Variants in SNX31 observed in about 807,000 individuals in gnomAD.
The protein encoded by SNX31 is sorting nexin 31.
In SNX31, 58 loss-of-function variants were observed where a neutral mutation model predicts 65.4. The observed-to-expected ratio is 0.89, with a 90% CI of 0.72 to 1.10. SNX31 has a LOEUF of 1.10. Ranked by LOEUF, SNX31 falls within the 50% of genes least tolerant of loss-of-function variation. The pLI, the probability that SNX31 is intolerant of heterozygous loss-of-function variation, is 0.00. For synonymous variants in SNX31, 181 were observed against 190.1 expected, an observed-to-expected ratio of 0.95 and a Z score of 0.39; for missense variants, 523 against 529.7, an observed-to-expected ratio of 0.99 and a Z score of 0.12.
At chr8:100,605,776 AACAGATTTAAAAAGTCACATT>A (rs1217788375) in intron 8 of SNX31, among the ~76,000 whole-genome samples, 1 of 152,128 alleles carries the variant, frequency 6.6e-6, no homozygotes, top group Admixed American at 6.5e-5. Flanking sequence ...CTTTAATGAA[AACAGATTTAAAAAGTCACATT>A]ATGATGCTCG....
chr8:100,580,469 C>T (rs1216794164), intron 12 of SNX31, among the ~76,000 whole-genome samples: 1 of 152,172 alleles, frequency 6.6e-6, no homozygotes, highest in Non-Finnish European at 1.5e-5. Context: ...CCACATTTAC[C>T]AGACTCCCTT....
intron 4 of SNX31, 34 bp from the exon 5 acceptor site, chr8:100,617,764 C>T: frequency 6.6e-7 from 1 of 1,508,942 alleles, no homozygotes; most frequent in Non-Finnish European, 9.0e-7. Flanking sequence ...TAAATTTCCA[C>T]ACCTTTTTTT....
chr8:100,604,223 T>TA lies in SNX31; in HGVS notation c.682-3783dup, dbSNP rs770271207. ...AGAGGGGAGTATGCAGAATTGAACT[T>TA]AAAAAATCAAGCATCCTAAAGGTGC... On this transcript the variant is annotated intron_variant, in intron 8 of 13. Coordinates refer to ENST00000311812, the MANE Select transcript of SNX31 (RefSeq NM_152628.4). This position sits in a 1 kb window ranked among gnomAD's most constrained non-coding sequence, Gnocchi z 4.3. Among the ~76,000 whole-genome samples, 37 of 151,930 alleles carry TA rather than the reference T, an allele frequency of 2.4e-4. No individual in the cohort carries two copies. Among genetic ancestry groups the TA allele is most frequent in the Middle Eastern group, 3.4e-3 (1 of 294 alleles).
At chr8:100,618,860 A>AG (rs922551320) in intron 4 of SNX31, 1 of 157,838 alleles carries the variant, frequency 6.3e-6, no homozygotes, top group Non-Finnish European at 1.4e-5. Context: ...CCCATTGCTT[A>AG]GGGGGGTTGT....
At chr8:100,599,775 G>T (rs1194560347) in intron 9 of SNX31, among the ~76,000 whole-genome samples, 1 of 152,138 alleles carries the variant, frequency 6.6e-6, no homozygotes, top group African/African-American at 2.4e-5. Flanking sequence ...CTGCTTGGGG[G>T]CAGGAGGTAC....
Position 100,649,310 on chromosome 8 carries a change from C to G in SNX31, c.105G>C (p.Arg35Ser). ...SVHLDGFLFC[R>S]VRYSQLHGWN... ...AACCGTGCAGCTGGCTGTAGCGCAC[C>G]CTGCAGAAGAGGAACCCGTCCAGGT... The change falls in exon 2 of 14, where the codon AGG (arginine) becomes AGC (serine). Residue 35 changes from arginine (R) to serine (S), a missense_variant. By Grantham distance (110) the Arg-to-Ser change is moderately radical. Transcript: ENST00000311812. The G allele has an allele frequency of 6.2e-7, 1 of 1,614,066 alleles. No individual in the cohort carries two copies. Among genetic ancestry groups the G allele is most frequent in the East Asian group, 2.2e-5 (1 of 44,874 alleles).
chr8:100,645,072 T>G (rs2131281283), intron 2 of SNX31, among the ~76,000 whole-genome samples: 1 of 152,364 alleles, frequency 6.6e-6, no homozygotes, highest in African/African-American at 2.4e-5. Context: ...TTATCCAACA[T>G]GCAAAATATA....
Position 100,604,833 on chromosome 8 carries a change from T to C in SNX31, c.681+3661A>G, listed in dbSNP as rs1288703046. 1.3e-5 allele frequency among the ~76,000 whole-genome samples: 2 copies of C among 152,186 alleles called. No individual in the cohort carries two copies. The highest frequency in any genetic ancestry group is 6.5e-5 in the Admixed American group (1 of 15,282). On this transcript the variant is annotated intron_variant, in intron 8 of 13. Transcript: ENST00000311812. This position sits in a 1 kb window ranked among gnomAD's most constrained non-coding sequence, Gnocchi z 4.3. Reference sequence around the variant, plus strand: ...CCCCTTAATAGTTAATTATGATGGATCCATTATTTATCACAACTCAAGAGC... The same window carrying C: ...CCCCTTAATAGTTAATTATGATGGACCCATTATTTATCACAACTCAAGAGC...
Position 100,625,966 on chromosome 8 carries a change from C to T in SNX31, c.321+4361G>A, listed in dbSNP as rs1160786127. On this transcript the variant is annotated intron_variant, in intron 4 of 13. Coordinates refer to ENST00000311812, the MANE Select transcript of SNX31 (RefSeq NM_152628.4). This position sits in a 1 kb window ranked among gnomAD's most constrained non-coding sequence, Gnocchi z 4.2. The stretch of plus-strand genomic sequence containing the variant: ...TCTTGGCCAGGCATGGTAGCTCACA[C>T]CTATAATCCCAGCAGTTTGGGAGGC... Among the ~76,000 whole-genome samples, 1 of 152,172 alleles carries T rather than the reference C, an allele frequency of 6.6e-6. No individual in the cohort carries two copies. The highest frequency in any genetic ancestry group is 1.9e-4 in the East Asian group (1 of 5,200).
Position 100,601,887 on chromosome 8 carries a change from C to T in SNX31, c.682-1446G>A, listed in dbSNP as rs188207523. Among the ~76,000 whole-genome samples, 75 of 111,552 alleles carry T rather than the reference C, an allele frequency of 6.7e-4. 1 individual carries two copies. Among genetic ancestry groups the T allele is most frequent in the Middle Eastern group, 3.8e-3 (1 of 260 alleles). 73.2% of individuals were successfully genotyped at this position (111,552 alleles called of 152,430 possible). The stretch of plus-strand genomic sequence containing the variant: ...TAACAAAGCCTGTTGTCTCAGCCTA[C>T]CCTCCCTGAGCAGGCACCTTTTCCT... On this transcript the variant is annotated intron_variant, in intron 8 of 13. Coordinates refer to ENST00000311812, the MANE Select transcript of SNX31 (RefSeq NM_152628.4).
chr8:100,632,244 C>T (rs1818461553), intron 3 of SNX31, among the ~76,000 whole-genome samples: 1 of 152,092 alleles, frequency 6.6e-6, no homozygotes, highest in Admixed American at 6.6e-5. Context: ...AACCCTCAAG[C>T]ACGGTGATCA....
At chr8:100,584,250 T>C in intron 11 of SNX31, 62 bp from the exon 12 acceptor site, 1 of 1,365,282 alleles carries the variant, frequency 7.3e-7, no homozygotes, top group East Asian at 2.6e-5. Context: ...CTTTCTTCCC[T>C]CCTCACACCA....
chr8:100,641,638 ATATATATATATATATATATATG>A (rs1451746545), intron 2 of SNX31, among the ~76,000 whole-genome samples: 51 of 57,426 alleles, frequency 8.9e-4, no homozygotes, highest in African/African-American at 3.1e-3. Context: ...ATATATATAT[ATATATATATATATATATATATG>A]TATGGTACTT....
At chr8:100,652,073 G>A (rs1013877873), upstream of SNX31, among the ~76,000 whole-genome samples, 8 of 152,262 alleles carry the variant, frequency 5.3e-5, 1 homozygote, top group South Asian at 1.5e-3. Flanking sequence ...CCACCTCCCG[G>A]GTTCATGCCA....
intron 10 of SNX31, 64 bp downstream of exon 10, chr8:100,596,575 C>T: frequency 7.1e-7 from 1 of 1,409,598 alleles, no homozygotes; most frequent in Non-Finnish European, 1.0e-6. Context: ...CTAGTGTCAA[C>T]TTTGTCATCC....
chr8:100,618,446 C>T, intron 4 of SNX31: 1 of 786,232 alleles, frequency 1.3e-6, no homozygotes, highest in Non-Finnish European at 2.1e-6. Flanking sequence ...TTCTCCAGTT[C>T]TTGAACATCA....
intron 2 of SNX31, among the ~76,000 whole-genome samples, chr8:100,640,092 T>G (rs184801065): frequency 6.6e-6 from 1 of 152,024 alleles, no homozygotes; most frequent in Non-Finnish European, 1.5e-5. Context: ...TAGACAAATC[T>G]CTTGTGCAGA....
At position 100,612,417 on chromosome 8, in the gene SNX31, C is replaced by T. The variant is rs1437835008; in HGVS notation, c.524-330G>A. ...TACACAAGCCCCTTAACTTCCAACT[C>T]AAAACCACCTCCCCTGGCTTCTTGA... On this transcript the variant is annotated intron_variant, in intron 6 of 13. Transcript: ENST00000311812. The surrounding 1 kb of genome is among the most constrained non-coding windows in gnomAD (Gnocchi z 4.3). Among the ~76,000 whole-genome samples, 2 of 151,946 alleles carry T rather than the reference C, an allele frequency of 1.3e-5. No homozygotes were observed. The highest frequency in any genetic ancestry group is 2.9e-5 in the Non-Finnish European group (2 of 68,012).
rs1814848999 is a variant in SNX31, at chr8:100,594,193, A to C, written c.978+2446T>G. Among the ~76,000 whole-genome samples, 1 of 152,088 alleles carries C rather than the reference A, an allele frequency of 6.6e-6. No homozygotes were observed. The highest frequency in any genetic ancestry group is 2.4e-5 in the African/African-American group (1 of 41,428). ...GTGGTGCATGCCTGTAATCCCAGCT[A>C]CTTGGGAGGCTGAGGCAGGAGAATC... On this transcript the variant is annotated intron_variant, in intron 10 of 13. Coordinates refer to ENST00000311812, the MANE Select transcript of SNX31 (RefSeq NM_152628.4). This position sits in a 1 kb window ranked among gnomAD's most constrained non-coding sequence, Gnocchi z 4.0.
Sources: allele counts gnomAD v4.1 joint callset (sites outside exome capture counted in the v4.1 genomes callset), GRCh38; gene constraint gnomAD v4.1.1; non-coding constraint Gnocchi (gnomAD v3.1); transcripts MANE v1.5; gene names NCBI Gene and HGNC (gene_info 2026-07-23, HGNC 2026-07-21).